Variants in UBR2 observed in about 807,000 individuals in gnomAD.
UBR2 encodes the protein ubiquitin protein ligase E3 component n-recognin 2.
Under a neutral mutation model 247.9 loss-of-function variants are expected in UBR2, and 92 were observed. The ratio of observed to expected loss-of-function variants is 0.37; its 90% confidence interval spans 0.31 to 0.44. UBR2 has a LOEUF of 0.44. UBR2 is among the 20% of genes least tolerant of loss of function. The probability of loss-of-function intolerance (pLI) is 1.00; values close to 1 mark genes in which losing one functional copy is unlikely to be tolerated. For missense variants in UBR2, 1,613 were observed against 2,112.6 expected (o/e 0.76, Z 4.64); for synonymous variants, 672 against 693.5 (o/e 0.97, Z 0.49).
chr6:42,679,634 CTT>C, intron 41 of UBR2, 88 bp from the exon 42 acceptor site: 1 of 949,738 alleles, frequency 1.1e-6, no homozygotes, highest in Admixed American at 2.5e-5. Flanking sequence ...GTCTTTCATC[CTT>C]TTTTTTTAAA....
At chr6:42,619,418 T>G (rs1440835916) in intron 11 of UBR2, 1 of 12,022 alleles carries the variant, frequency 8.3e-5, no homozygotes, top group African/African-American at 3.6e-4. Context: ...TGAACATATA[T>G]ATATATATAT....
chr6:42,686,622 T>C (rs1322955607), intron 44 of UBR2, among the ~76,000 whole-genome samples: 2 of 152,128 alleles, frequency 1.3e-5, no homozygotes, highest in African/African-American at 4.8e-5. Flanking sequence ...GGCGGCCAGG[T>C]AGAGAGGCTC....
At chr6:42,630,933 G>A (rs990199019) in intron 11 of UBR2, among the ~76,000 whole-genome samples, 3 of 151,716 alleles carry the variant, frequency 2.0e-5, no homozygotes, top group African/African-American at 7.3e-5. Flanking sequence ...CAGCCTCCCA[G>A]GTAGCTGGGA....
intron 2 of UBR2, among the ~76,000 whole-genome samples, chr6:42,584,185 G>A (rs112365976): frequency 0.022 from 3,336 of 150,054 alleles, 111 homozygotes; most frequent in African/African-American, 0.076. Context: ...TTGTAGAGAC[G>A]GGATTTCTCC....
In UBR2 at chr6:42,670,105, G is replaced by C; in HGVS notation, c.3895G>C (p.Glu1299Gln). ...TGTTTACTTCAGGATCCCTTATTCT[G>C]AGAGCATAAAAGAAATGCTAACGAC... Reference protein sequence around the residue: ...PDFRPKIPYSESIKEMLTTFG... With the variant: ...PDFRPKIPYSQSIKEMLTTFG... The change falls in exon 35 of 47, where the codon GAG becomes CAG. Residue 1299 changes from glutamate to glutamine, a missense_variant. By Grantham distance (29) the Glu-to-Gln change is conservative. This residue lies in a region of UBR2 where 1,524 missense variants were observed against 1,967.3 expected (regional missense o/e 0.77). Coordinates refer to ENST00000372901, the MANE Select transcript of UBR2 (RefSeq NM_001363705.2). 1 of 1,614,044 alleles carries C rather than the reference G, an allele frequency of 6.2e-7. No individual in the cohort carries two copies. Among genetic ancestry groups the C allele is most frequent in the Non-Finnish European group, 8.5e-7 (1 of 1,179,958 alleles).
chr6:42,684,703 G>A (rs541971834), intron 43 of UBR2, 91 bp from the exon 44 acceptor site: 33 of 839,370 alleles, frequency 3.9e-5, no homozygotes, highest in Admixed American at 1.4e-4. Flanking sequence ...CATGTTACCC[G>A]GGCTAGGCAG....
intron 11 of UBR2, among the ~76,000 whole-genome samples, chr6:42,631,982 C>A (rs1795767832): frequency 7.1e-6 from 1 of 141,240 alleles, no homozygotes. Flanking sequence ...ACAAGATTTG[C>A]CTTTAGAAAG....
At chr6:42,607,807 T>C (rs1793812341) in intron 7 of UBR2, among the ~76,000 whole-genome samples, 1 of 151,850 alleles carries the variant, frequency 6.6e-6, no homozygotes, top group African/African-American at 2.4e-5. Context: ...TTTACTTTTT[T>C]CATTCTTGTG....
chr6:42,582,177 G>A (rs1322543508), intron 2 of UBR2, among the ~76,000 whole-genome samples: 1 of 151,760 alleles, frequency 6.6e-6, no homozygotes, highest in Non-Finnish European at 1.5e-5. Context: ...CAGTTACTCG[G>A]GAGGCTGAGG....
intron 2 of UBR2, among the ~76,000 whole-genome samples, chr6:42,579,868 T>C (rs1791763766): frequency 6.6e-6 from 1 of 152,234 alleles, no homozygotes; most frequent in African/African-American, 2.4e-5. Context: ...AATGAAATTA[T>C]ACTATGTGTA....
At chr6:42,652,765 A>G (rs1334864320) in intron 25 of UBR2, 120 bp downstream of exon 25, 1 of 930,500 alleles carries the variant, frequency 1.1e-6, no homozygotes, top group African/African-American at 1.7e-5. Context: ...CCTAACTTGA[A>G]TATATTGTTA....
chr6:42,613,565 A>G (rs1426363501), intron 8 of UBR2, among the ~76,000 whole-genome samples: 1 of 151,918 alleles, frequency 6.6e-6, no homozygotes, highest in Non-Finnish European at 1.5e-5. Context: ...TCTATCTAAA[A>G]TTTTTTTTAA....
At chr6:42,670,530 C>T (rs999811953) in intron 35 of UBR2, 130 bp from the exon 36 acceptor site, 4 of 727,610 alleles carry the variant, frequency 5.5e-6, no homozygotes, top group Non-Finnish European at 6.4e-6. Context: ...TGTGAAATGA[C>T]TTTGAAGATT....
chr6:42,618,490 A>G (rs1180686628), intron 11 of UBR2, among the ~76,000 whole-genome samples: 2 of 152,214 alleles, frequency 1.3e-5, no homozygotes, highest in Non-Finnish European at 2.9e-5. Context: ...TAAAGGATAT[A>G]TTCTAATACA....
chr6:42,663,649 T>A (rs947611979), intron 32 of UBR2, among the ~76,000 whole-genome samples: 1 of 152,236 alleles, frequency 6.6e-6, no homozygotes. Context: ...TATGTATTTA[T>A]GAAAACCAAG....
Position 42,564,257 on chromosome 6 carries a change from G to C in UBR2, c.-63G>C, listed in dbSNP as rs1162732860. On this transcript the variant is annotated 5_prime_UTR_variant, in exon 1 of 47. Coordinates refer to ENST00000372901, the MANE Select transcript of UBR2 (RefSeq NM_001363705.2). ...GGCAGGGGTGGCAGTCGAGGCCGCC[G>C]GGGCCGAGGTGAGGCTGCAGCTCTC... The C allele has an allele frequency of 3.6e-5, 57 of 1,565,024 alleles. No individual in the cohort carries two copies. The East Asian group carries it at 1.3e-3, about 35-fold the overall frequency.
At chr6:42,574,029 G>T in intron 2 of UBR2, 36 bp downstream of exon 2, 2 of 1,491,624 alleles carry the variant, frequency 1.3e-6, no homozygotes, top group South Asian at 1.4e-5. Flanking sequence ...GGAGGCTCTT[G>T]TTTTATTTGA....
intron 7 of UBR2, among the ~76,000 whole-genome samples, chr6:42,610,088 G>A (rs996279459): frequency 3.3e-5 from 5 of 152,102 alleles, no homozygotes; most frequent in Non-Finnish European, 7.4e-5. Context: ...GAGGCAGGAG[G>A]ATTGCTTGAG....
In UBR2 at chr6:42,644,533, G is replaced by T. The variant is rs1173910891; in HGVS notation, c.2281G>T (p.Val761Phe). ...EEMLYLIIML[V>F]GERFSPGVGQ... Reference sequence around the variant, plus strand: ...AATGCTATACCTCATTATAATGCTTGTTGGTAAGTTTAAATTGTTTGAGGC... The same window carrying T: ...AATGCTATACCTCATTATAATGCTTTTTGGTAAGTTTAAATTGTTTGAGGC... The change falls in exon 20 of 47, where the codon GTT becomes TTT. Residue 761 changes from valine (V) to phenylalanine (F), a missense_variant. Transcript: ENST00000372901. 1 of 1,607,924 alleles carries T rather than the reference G, an allele frequency of 6.2e-7. No homozygotes were observed. The highest frequency in any genetic ancestry group is 8.5e-7 in the Non-Finnish European group (1 of 1,177,682).
Sources: allele counts gnomAD v4.1 joint callset (sites outside exome capture counted in the v4.1 genomes callset), GRCh38; gene constraint gnomAD v4.1.1; regional missense constraint gnomAD v4.1.1; transcripts MANE v1.5; gene names NCBI Gene and HGNC (gene_info 2026-07-23, HGNC 2026-07-21).